The following SLA variants were observed in gnomAD, a reference collection of about 807,000 sequenced individuals.
SLA encodes the protein Src like adaptor.
In SLA, 16 loss-of-function variants were observed where a neutral mutation model predicts 30.3. The ratio of observed to expected loss-of-function variants is 0.53; its 90% CI spans 0.36 to 0.80. SLA has a LOEUF of 0.80. SLA is among the 30% of genes least tolerant of loss of function. SLA has a pLI of 0.01. For missense variants in SLA, 310 were observed against 345.2 expected (o/e 0.90, Z 0.81); for synonymous variants, 143 against 137.8 (o/e 1.04, Z -0.26).
chr8:133,095,007 T>C, intron 1 of SLA: 1 of 1,612,272 alleles, frequency 6.2e-7, no homozygotes, highest in Non-Finnish European at 8.5e-7. Flanking sequence ...CTGAAGATGA[T>C]CTGAACCATC....
intron 3 of SLA, among the ~76,000 whole-genome samples, chr8:133,057,777 A>AAC (rs1470761749): frequency 1.2e-4 from 18 of 151,194 alleles, no homozygotes; most frequent in South Asian, 2.1e-4. Flanking sequence ...CAAAAAACAA[A>AAC]AAAAAAAAAA....
rs1290131393 is a variant in SLA, at chr8:133,040,063, T to G, written c.552A>C (p.Ala184=). The G allele has an allele frequency of 6.4e-7, 1 of 1,555,418 alleles. No individual in the cohort carries two copies. The highest frequency in any genetic ancestry group is 1.2e-5 in the South Asian group (1 of 84,216). ...PCLTQSTAAP[A]VRASSSPVTL... ...TGACAGGTGAGCTGGAGGCCCTCAC[T>G]GCTGGGGCAGCCGTGCTTTGTGTCA... Residue 184 remains alanine, a synonymous_variant, in exon 8 of 9, where the codon GCA becomes GCC. Transcript: ENST00000338087.
intron 1 of SLA, among the ~76,000 whole-genome samples, chr8:133,079,293 C>T: frequency 6.6e-6 from 1 of 152,212 alleles, no homozygotes; most frequent in Admixed American, 6.5e-5. Flanking sequence ...TTAGAATTAA[C>T]TACTGGGGCC....
chr8:133,056,504 T>G (rs1012281773), intron 3 of SLA, among the ~76,000 whole-genome samples: 1 of 152,118 alleles, frequency 6.6e-6, no homozygotes, highest in African/African-American at 2.4e-5. Flanking sequence ...TGAAACCCTG[T>G]CCTTTCCAGG....
intron 1 of SLA, among the ~76,000 whole-genome samples, chr8:133,093,252 T>C (rs1182138959): frequency 1.3e-5 from 2 of 152,164 alleles, no homozygotes; most frequent in African/African-American, 4.8e-5. Context: ...CTAAATCATA[T>C]TGACGCTTGT....
At chr8:133,097,798 A>G (rs1348397244) in intron 1 of SLA, among the ~76,000 whole-genome samples, 2 of 152,158 alleles carry the variant, frequency 1.3e-5, no homozygotes, top group Non-Finnish European at 2.9e-5. Flanking sequence ...TGTGTTACAT[A>G]TTATATATAT....
At chr8:133,079,778 T>C (rs1413074551) in intron 1 of SLA, among the ~76,000 whole-genome samples, 1 of 152,108 alleles carries the variant, frequency 6.6e-6, no homozygotes, top group South Asian at 2.1e-4. Context: ...GAAAACCAAG[T>C]GTAAGCTAAT....
intron 1 of SLA, among the ~76,000 whole-genome samples, chr8:133,084,636 G>C (rs1288493445): frequency 6.6e-6 from 1 of 152,346 alleles, no homozygotes; most frequent in East Asian, 1.9e-4. Flanking sequence ...TGTCAAGTCT[G>C]TAAGACCTGT....
At chr8:133,094,309 C>G (rs915447348) in intron 1 of SLA, among the ~76,000 whole-genome samples, 2 of 146,552 alleles carry the variant, frequency 1.4e-5, no homozygotes. Flanking sequence ...GGTGCGATCT[C>G]GGTCCACTGC....
At chr8:133,052,977 C>T (rs1840696824) in intron 3 of SLA, among the ~76,000 whole-genome samples, 1 of 152,202 alleles carries the variant, frequency 6.6e-6, no homozygotes, top group Admixed American at 6.5e-5. Flanking sequence ...ATGGCCCCCA[C>T]ATATGAATGG....
chr8:133,096,096 A>G, intron 1 of SLA: 1 of 1,355,124 alleles, frequency 7.4e-7, no homozygotes, highest in Non-Finnish European at 1.1e-6. Context: ...TTCTCAGTAG[A>G]GTCATAGATG....
chr8:133,073,675 C>G (rs144828858), intron 2 of SLA, among the ~76,000 whole-genome samples: 4 of 152,288 alleles, frequency 2.6e-5, no homozygotes, highest in African/African-American at 9.6e-5. Context: ...TAGCAAACCA[C>G]ACAATGACAA....
At chr8:133,067,413 A>G (rs1422358043) in intron 2 of SLA, among the ~76,000 whole-genome samples, 4 of 152,204 alleles carry the variant, frequency 2.6e-5, no homozygotes, top group African/African-American at 9.7e-5. Context: ...CAGAGAGGAC[A>G]TGCAACTCCT....
chr8:133,054,189 GAGCTC>G (rs1840933141), intron 3 of SLA, among the ~76,000 whole-genome samples: 1 of 152,152 alleles, frequency 6.6e-6, no homozygotes, highest in Admixed American at 6.5e-5. Context: ...GCTTTATGGA[GAGCTC>G]AGCGTTTGAA....
intron 3 of SLA, among the ~76,000 whole-genome samples, chr8:133,051,774 A>G (rs764836109): frequency 6.6e-6 from 1 of 152,186 alleles, no homozygotes; most frequent in South Asian, 2.1e-4. Flanking sequence ...ATTTGGATAC[A>G]TTTTTGGGGG....
chr8:133,051,044 C>T lies in SLA; in HGVS notation c.62-129G>A, dbSNP rs1281320593. ...AGGAAATACCTTTCTTGTTTTGAAC[C>T]ACCAATTTACAGCAAGGTCCTCTCT... On this transcript the variant is annotated intron_variant, in intron 3 of 8. Transcript: ENST00000338087. 3 of 628,352 alleles carry T rather than the reference C, an allele frequency of 4.8e-6. No homozygotes were observed. The African/African-American group carries it at 5.5e-5, about 12-fold the overall frequency. The allele number at this position is 628,352 out of a possible 1,614,324, so 38.9% of individuals were successfully genotyped here.
chr8:133,057,515 C>A (rs1236029529), intron 3 of SLA, among the ~76,000 whole-genome samples: 5 of 152,196 alleles, frequency 3.3e-5, no homozygotes, highest in Admixed American at 1.3e-4. Flanking sequence ...CCACACCCTT[C>A]TTTGCTGGTG....
Position 133,036,961 on chromosome 8 carries a change from GTTGGCTGGTTCCT to G in SLA, c.*1550_*1562del, listed in dbSNP as rs1431316149. On this transcript the variant is annotated 3_prime_UTR_variant, in exon 9 of 9. Coordinates refer to ENST00000338087, the MANE Select transcript of SLA (RefSeq NM_001045556.3). The stretch of plus-strand genomic sequence containing the variant: ...ACAGTGTTACATTCATTTCTCATAC[GTTGGCTGGTTCCT>G]TTGAAATAGCCTTTTGGAACGGTTG... 1.3e-5 allele frequency: 2 copies of G among 152,314 alleles called. No homozygotes were observed. 9.4% of individuals were successfully genotyped at this position (152,314 alleles called of 1,614,324 possible). A position where few individuals can be genotyped will look rare whatever the true frequency, so the allele number is the denominator to read the frequency against.
chr8:133,062,443 G>A (rs1232157463), intron 2 of SLA, among the ~76,000 whole-genome samples: 5 of 152,230 alleles, frequency 3.3e-5, no homozygotes, highest in African/African-American at 4.8e-5. Context: ...CACATTCCCC[G>A]CAGTTCAGCA....
Sources: allele counts gnomAD v4.1 joint callset (sites outside exome capture counted in the v4.1 genomes callset), GRCh38; gene constraint gnomAD v4.1.1; transcripts MANE v1.5; gene names NCBI Gene and HGNC (gene_info 2026-07-23, HGNC 2026-07-21).